Variants in PIP5K1B observed in about 807,000 individuals in gnomAD.
PIP5K1B encodes the protein phosphatidylinositol-4-phosphate 5-kinase type 1 beta, also known as phosphatidylinositol 4-phosphate 5-kinase type-1 beta.
Under a neutral mutation model 67.0 loss-of-function variants are expected in PIP5K1B, and 42 were observed. The observed-to-expected ratio is 0.63, with a 90% CI of 0.49 to 0.81. The LOEUF (loss-of-function observed/expected upper bound fraction) is 0.81, where lower values mean the gene tolerates loss of function less well. Ranked by LOEUF, PIP5K1B falls within the 30% of genes least tolerant of loss-of-function variation. The probability of loss-of-function intolerance (pLI) is 0.00; values close to 1 mark genes in which losing one functional copy is unlikely to be tolerated. For synonymous variants in PIP5K1B, 214 were observed against 231.4 expected (o/e 0.92, Z 0.68); for missense variants, 459 against 646.3 (o/e 0.71, Z 3.14).
chr9:68,744,756 G>C (rs1229200365), intron 2 of PIP5K1B, among the ~76,000 whole-genome samples: 1 of 152,072 alleles, frequency 6.6e-6, no homozygotes, highest in East Asian at 1.9e-4. Flanking sequence ...CCCTTTTGTG[G>C]GTTCTTTGGA....
chr9:68,991,022 AAT>A, intron 14 of PIP5K1B, 116 bp from the exon 15 acceptor site: 2 of 691,996 alleles, frequency 2.9e-6, no homozygotes, highest in Non-Finnish European at 5.2e-6. Flanking sequence ...ATTTCCTTCA[AAT>A]TCTCAAAATT....
intron 2 of PIP5K1B, among the ~76,000 whole-genome samples, chr9:68,767,616 AAAAG>A (rs1388022908): frequency 1.3e-5 from 2 of 151,778 alleles, no homozygotes; most frequent in East Asian, 1.9e-4. Context: ...AAAAAAAAGA[AAAAG>A]AAATAATTTA....
chr9:68,923,093 A>T (rs1377135901), intron 11 of PIP5K1B, among the ~76,000 whole-genome samples: 3 of 152,172 alleles, frequency 2.0e-5, no homozygotes, highest in African/African-American at 7.2e-5. Flanking sequence ...TTGAGTGTCT[A>T]GAATCTTTGT....
rs1448106656 is a variant in PIP5K1B at position 68,909,384 on chromosome 9, T to C, written c.772-8164T>C. On this transcript the variant is annotated intron_variant, in intron 8 of 15. Transcript: ENST00000265382. The stretch of plus-strand genomic sequence containing the variant: ...TTACTCATATGTACTTTAGTAGGAA[T>C]CCCTAAAAGCTAAGGACTCTTTAAA... Among the ~76,000 whole-genome samples, 7 of 150,122 alleles carry C rather than the reference T, an allele frequency of 4.7e-5. No individual in the cohort carries two copies. In the East Asian group the frequency reaches 7.8e-4, roughly 17 times the overall value.
Position 68,875,518 on chromosome 9 carries a change from C to G in PIP5K1B, c.201-1159C>G, listed in dbSNP as rs1259052741. The stretch of plus-strand genomic sequence containing the variant: ...ATTATGTTGAAGACTCATTCCTTCA[C>G]TCAACAAATACTTATTGAGTGTCTG... On this transcript the variant is annotated intron_variant, in intron 5 of 15. Transcript: ENST00000265382. Among the ~76,000 whole-genome samples the G allele has an allele frequency of 2.6e-5, 4 of 152,062 alleles. No homozygotes were observed. In the East Asian group the frequency reaches 7.7e-4, roughly 29 times the overall value.
At chr9:68,802,894 A>T (rs1832678652) in intron 2 of PIP5K1B, among the ~76,000 whole-genome samples, 2 of 152,158 alleles carry the variant, frequency 1.3e-5, no homozygotes, top group African/African-American at 4.8e-5. Context: ...CAGGATTTTA[A>T]AGAAGGAGAG....
intron 13 of PIP5K1B, among the ~76,000 whole-genome samples, chr9:68,940,290 C>G (rs916457120): frequency 6.6e-6 from 1 of 152,194 alleles, no homozygotes; most frequent in African/African-American, 2.4e-5. Flanking sequence ...TGTTTATACA[C>G]TTGCCAGTCA....
At chr9:68,898,756 C>A (rs1825217821) in intron 8 of PIP5K1B, among the ~76,000 whole-genome samples, 1 of 152,218 alleles carries the variant, frequency 6.6e-6, no homozygotes, top group African/African-American at 2.4e-5. Flanking sequence ...ATGTCCCAGT[C>A]TGCCTACCAA....
rs117433224 is a variant in PIP5K1B, at chr9:68,829,897, C to G, written c.69+7214C>G. On this transcript the variant is annotated intron_variant, in intron 4 of 15. Coordinates refer to ENST00000265382, the MANE Select transcript of PIP5K1B (RefSeq NM_003558.4). ...ATGCAGTCCCTGAGCCTCTGATTTC[C>G]AGATTAGTTCTATGGGGACGGAGCA... 3.4e-3 allele frequency among the ~76,000 whole-genome samples: 521 copies of G among 152,188 alleles called. 1 individual carries two copies. The highest frequency in any genetic ancestry group is 4.7e-3 in the Non-Finnish European group (323 of 68,002).
In PIP5K1B at chr9:68,894,520, G is replaced by C. The variant is rs753475679; in HGVS notation, c.653G>C (p.Arg218Thr). The change falls in exon 8 of 16, where the codon AGA becomes ACA. Residue 218 changes from arginine to threonine, a missense_variant. Arg to Thr is a moderately conservative substitution (Grantham distance 71). Transcript: ENST00000265382. The part of the protein sequence containing the change: ...TYKRRASRKE[R>T]EKSNPTFKDL... ...AAGCGAAGAGCATCCCGTAAAGAGA[G>C]AGAGAAATCCAACCCCACATTTAAG... The C allele has an allele frequency of 1.9e-6, 3 of 1,614,054 alleles. No individual in the cohort carries two copies. Among genetic ancestry groups the C allele is most frequent in the Non-Finnish European group, 8.5e-7 (1 of 1,180,018 alleles).
At chr9:68,748,259 T>A (rs1257437631) in intron 2 of PIP5K1B, among the ~76,000 whole-genome samples, 2 of 152,190 alleles carry the variant, frequency 1.3e-5, no homozygotes, top group African/African-American at 4.8e-5. Flanking sequence ...ATTTTTAATA[T>A]CAAAACATTT....
chr9:68,984,966 C>T (rs1339085403), intron 14 of PIP5K1B, among the ~76,000 whole-genome samples: 1 of 152,186 alleles, frequency 6.6e-6, no homozygotes, highest in African/African-American at 2.4e-5. Flanking sequence ...CCAGGCAAGC[C>T]GCTGCACCTC....
chr9:68,898,454 G>T (rs1825199963), intron 8 of PIP5K1B, among the ~76,000 whole-genome samples: 1 of 152,084 alleles, frequency 6.6e-6, no homozygotes. Context: ...GGAAAGAGTG[G>T]TGACATTGAG....
chr9:68,986,150 G>A (rs1157686327), intron 14 of PIP5K1B, among the ~76,000 whole-genome samples: 1 of 152,174 alleles, frequency 6.6e-6, no homozygotes, highest in Non-Finnish European at 1.5e-5. Flanking sequence ...TTGCTTTGAG[G>A]ACAGACCAAA....
chr9:68,898,508 G>A (rs575025206), intron 8 of PIP5K1B, among the ~76,000 whole-genome samples: 1 of 152,254 alleles, frequency 6.6e-6, no homozygotes, highest in African/African-American at 2.4e-5. Flanking sequence ...AAACCAGAAA[G>A]CAGGATTTAT....
At chr9:68,713,042 G>A (rs546076367) in intron 1 of PIP5K1B, among the ~76,000 whole-genome samples, 1 of 152,166 alleles carries the variant, frequency 6.6e-6, no homozygotes, top group Non-Finnish European at 1.5e-5. Context: ...AGAAGCCAGG[G>A]CAGTGACTCT....
At chr9:69,007,590 GC>G (rs1425061371) in intron 15 of PIP5K1B, among the ~76,000 whole-genome samples, 2 of 152,192 alleles carry the variant, frequency 1.3e-5, no homozygotes, top group Non-Finnish European at 2.9e-5. Context: ...GGGTGAGGTG[GC>G]TCACGCCTGT....
chr9:68,830,083 C>T (rs907809037), intron 4 of PIP5K1B, among the ~76,000 whole-genome samples: 17 of 151,998 alleles, frequency 1.1e-4, no homozygotes, highest in Non-Finnish European at 1.9e-4. Flanking sequence ...TACTAGTAAA[C>T]GGGTGCCGCT....
At position 68,881,456 on chromosome 9, in the gene PIP5K1B, C is replaced by T. The variant is rs140794061; in HGVS notation, c.318+4662C>T. Among the ~76,000 whole-genome samples the T allele has an allele frequency of 9.1e-3, 1,392 of 152,258 alleles. 17 individuals carry two copies. The highest frequency in any genetic ancestry group is 0.021 in the African/African-American group (877 of 41,554). Reference sequence around the variant, plus strand: ...GCTGTCAAACTGGGGCTACTCAAACCCACACTTGTAAGATACAGTGAGTTA... The same window carrying T: ...GCTGTCAAACTGGGGCTACTCAAACTCACACTTGTAAGATACAGTGAGTTA... On this transcript the variant is annotated intron_variant, in intron 6 of 15. Coordinates refer to ENST00000265382, the MANE Select transcript of PIP5K1B (RefSeq NM_003558.4).
Sources: allele counts gnomAD v4.1 joint callset (sites outside exome capture counted in the v4.1 genomes callset), GRCh38; gene constraint gnomAD v4.1.1; transcripts MANE v1.5; gene names NCBI Gene and HGNC (gene_info 2026-07-23, HGNC 2026-07-21).